GALNTL6: variants seen among roughly 807,000 people sequenced by gnomAD.
The protein encoded by GALNTL6 is polypeptide N-acetylgalactosaminyltransferase-like 6.
Under a neutral mutation model 73.7 loss-of-function variants are expected in GALNTL6, and 46 were observed. The observed-to-expected ratio is 0.62, with a 90% confidence interval of 0.49 to 0.80. The LOEUF is 0.80. Ranked by LOEUF, GALNTL6 falls within the 30% of genes least tolerant of loss-of-function variation. The pLI, the probability that GALNTL6 is intolerant of heterozygous loss-of-function variation, is 0.00. For missense variants in GALNTL6, 604 were observed against 755.0 expected, an observed-to-expected ratio of 0.80 and a Z score of 2.34; for synonymous variants, 259 against 263.7, an observed-to-expected ratio of 0.98 and a Z score of 0.17.
At chr4:172,690,645 G>T (rs1334734704) in intron 5 of GALNTL6, among the ~76,000 whole-genome samples, 2 of 152,142 alleles carry the variant, frequency 1.3e-5, no homozygotes, top group African/African-American at 4.8e-5. Context: ...CATTATAGTG[G>T]ATTACTCTCA....
chr4:172,568,757 C>CAA (rs71592082), intron 5 of GALNTL6, among the ~76,000 whole-genome samples: 4,343 of 66,646 alleles, frequency 0.065, 658 homozygotes, highest in African/African-American at 0.23. Flanking sequence ...GACTCCATCT[C>CAA]AAAAAAAAAA....
intron 5 of GALNTL6, among the ~76,000 whole-genome samples, chr4:172,394,394 TAGC>T (rs1743771072): frequency 6.6e-6 from 1 of 151,642 alleles, no homozygotes; most frequent in Non-Finnish European, 1.5e-5. Flanking sequence ...ATACAGAAAT[TAGC>T]AGTAGTCTTG....
intron 12 of GALNTL6, among the ~76,000 whole-genome samples, chr4:173,033,007 TC>T: frequency 6.6e-6 from 1 of 152,256 alleles, no homozygotes. Context: ...TTATTTCTTT[TC>T]TTTTTTTTTT....
intron 8 of GALNTL6, among the ~76,000 whole-genome samples, chr4:172,912,800 T>C (rs969002393): frequency 6.6e-6 from 1 of 152,178 alleles, no homozygotes; most frequent in African/African-American, 2.4e-5. Flanking sequence ...AGGGCATAGC[T>C]GAACAAAAGG....
chr4:172,174,135 T>C (rs1734917614), intron 2 of GALNTL6, among the ~76,000 whole-genome samples: 4 of 152,216 alleles, frequency 2.6e-5, no homozygotes, highest in Admixed American at 2.6e-4. Flanking sequence ...AAGAGACTGC[T>C]AAGTTATCCA....
intron 2 of GALNTL6, among the ~76,000 whole-genome samples, chr4:172,206,775 GTTT>G (rs1214874685): frequency 1.3e-5 from 1 of 79,718 alleles, no homozygotes; most frequent in Non-Finnish European, 2.8e-5. Flanking sequence ...GATGAAACGT[GTTT>G]TTTGTTTTGT....
intron 5 of GALNTL6, among the ~76,000 whole-genome samples, chr4:172,430,392 A>G (rs1009939853): frequency 6.6e-6 from 1 of 152,094 alleles, no homozygotes; most frequent in African/African-American, 2.4e-5. Context: ...AAAAATCAGA[A>G]TCCCAAAATC....
chr4:172,912,763 G>T (rs948982580), intron 8 of GALNTL6, among the ~76,000 whole-genome samples: 1 of 152,226 alleles, frequency 6.6e-6, no homozygotes, highest in Non-Finnish European at 1.5e-5. Flanking sequence ...AGGCCTGCCT[G>T]CTTCTGTAGA....
intron 2 of GALNTL6, among the ~76,000 whole-genome samples, chr4:172,080,460 G>A (rs1560914142): frequency 6.6e-6 from 1 of 152,082 alleles, no homozygotes; most frequent in Non-Finnish European, 1.5e-5. Context: ...CACTGTGCCT[G>A]ACCTGAAATG....
chr4:171,843,291 C>G (rs1338393429), intron 2 of GALNTL6, among the ~76,000 whole-genome samples: 1 of 151,928 alleles, frequency 6.6e-6, no homozygotes, highest in East Asian at 1.9e-4. Flanking sequence ...AAAAAAATGA[C>G]TATGAAGACA....
intron 9 of GALNTL6, among the ~76,000 whole-genome samples, chr4:172,943,976 A>G (rs1749034584): frequency 6.6e-6 from 1 of 152,238 alleles, no homozygotes; most frequent in Middle Eastern, 3.2e-3. Flanking sequence ...ATCTTGCACC[A>G]CATACAAAAA....
At chr4:172,658,359 C>T (rs954957657) in intron 5 of GALNTL6, among the ~76,000 whole-genome samples, 7 of 147,310 alleles carry the variant, frequency 4.8e-5, no homozygotes, top group South Asian at 2.2e-4. Context: ...CCCAGCTACT[C>T]GGGAGGCTGA....
chr4:172,074,473 C>G (rs1232301963), intron 2 of GALNTL6, among the ~76,000 whole-genome samples: 1 of 146,808 alleles, frequency 6.8e-6, no homozygotes, highest in Non-Finnish European at 1.5e-5. Context: ...GTTCTATCAT[C>G]CACAATTGCC....
intron 5 of GALNTL6, among the ~76,000 whole-genome samples, chr4:172,459,927 A>T (rs994691561): frequency 6.6e-6 from 1 of 152,230 alleles, no homozygotes; most frequent in Admixed American, 6.5e-5. Flanking sequence ...AGCAAAAAGA[A>T]CAAAGCTGGA....
rs5864178 is a variant in GALNTL6, at chr4:172,998,989, TAAA to T, written c.1372-10175_1372-10173del. 1.4e-3 allele frequency among the ~76,000 whole-genome samples: 195 copies of T among 137,846 alleles called. 1 individual carries two copies. The highest frequency in any genetic ancestry group is 3.8e-3 in the African/African-American group (142 of 37,480). 90.4% of individuals were successfully genotyped at this position (137,846 alleles called of 152,430 possible). On this transcript the variant is annotated intron_variant, in intron 10 of 12. Coordinates refer to ENST00000506823, the MANE Select transcript of GALNTL6 (RefSeq NM_001034845.3). ...AATTTGAATAGGGACATTTTAATAT[TAAA>T]AAAAAAAAAAAAACGTTGGCTGGTA...
At chr4:172,227,146 G>T (rs547293463) in intron 2 of GALNTL6, among the ~76,000 whole-genome samples, 1 of 152,044 alleles carries the variant, frequency 6.6e-6, no homozygotes, top group South Asian at 2.1e-4. Context: ...TGCTAATTAG[G>T]CTATTTCCCA....
At chr4:171,900,894 C>A (rs1737071308) in intron 2 of GALNTL6, among the ~76,000 whole-genome samples, 1 of 382 alleles carries the variant, frequency 2.6e-3, no homozygotes, top group Admixed American at 0.045. Flanking sequence ...ATTAGAATAT[C>A]TTTCAGAAAC....
intron 2 of GALNTL6, among the ~76,000 whole-genome samples, chr4:171,949,911 C>A (rs7658850): frequency 6.6e-6 from 1 of 151,898 alleles, no homozygotes. Context: ...GAGGTTTGGG[C>A]GGGGACAATA....
In GALNTL6 at chr4:172,044,819, C is replaced by A. The variant is rs531178109; in HGVS notation, c.139-184837C>A. Among the ~76,000 whole-genome samples, 34 of 152,104 alleles carry A rather than the reference C, an allele frequency of 2.2e-4. No homozygotes were observed. The South Asian group carries it at 7.0e-3, about 32-fold the overall frequency. On this transcript the variant is annotated intron_variant, in intron 2 of 12. Coordinates refer to ENST00000506823, the MANE Select transcript of GALNTL6 (RefSeq NM_001034845.3). ...AGGCATACCCAGAAAACTTTGTTTG[C>A]ATGACTTAAAATATCTATTTGAGCT...
Sources: gnomAD v4.1 joint callset for allele counts (sites outside exome capture counted in the v4.1 genomes callset) on GRCh38, gnomAD v4.1.1 for gene constraint, MANE v1.5 for transcripts, NCBI Gene and HGNC (gene_info 2026-07-23, HGNC 2026-07-21) for gene names.